TOX3: variants seen among roughly 807,000 people sequenced by gnomAD.
TOX3 encodes the protein CAG trinucleotide repeat-containing gene F9 protein.
In TOX3, 22 loss-of-function variants were observed where a neutral mutation model predicts 64.3. The observed-to-expected ratio is 0.34, with a 90% CI of 0.24 to 0.49. The LOEUF (loss-of-function observed/expected upper bound fraction) is 0.49. Ranked by LOEUF, TOX3 falls within the 20% of genes least tolerant of loss-of-function variation. The probability of loss-of-function intolerance (pLI) is 0.99; values close to 1 mark genes in which losing one functional copy is unlikely to be tolerated. For synonymous variants in TOX3, 291 were observed against 273.6 expected, an observed-to-expected ratio of 1.06 and a Z score of -0.63; for missense variants, 661 against 714.4, an observed-to-expected ratio of 0.93 and a Z score of 0.85.
chr16:52,543,113 C>T (rs1963109871), intron 1 of TOX3, among the ~76,000 whole-genome samples: 1 of 152,110 alleles, frequency 6.6e-6, no homozygotes, highest in Admixed American at 6.5e-5. Flanking sequence ...GAGTTTAGTC[C>T]AAGTTTGTTA....
chr16:52,538,482 A>G (rs1263812782), intron 1 of TOX3, among the ~76,000 whole-genome samples: 2 of 152,216 alleles, frequency 1.3e-5, no homozygotes, highest in Non-Finnish European at 2.9e-5. Flanking sequence ...TTGAATTTTA[A>G]AACTCACTCT....
At chr16:52,473,144 T>G (rs1961098269) in intron 1 of TOX3, among the ~76,000 whole-genome samples, 1 of 152,180 alleles carries the variant, frequency 6.6e-6, no homozygotes, top group African/African-American at 2.4e-5. Context: ...ATGTGGATTG[T>G]TAAGTCTAGC....
rs1961140388 is a variant in TOX3 at position 52,474,287 on chromosome 16, G to A, written c.88-5713C>T. On this transcript the variant is annotated intron_variant, in intron 1 of 6. Transcript: ENST00000219746. ...TGGACCATGTGTGCCTGCCTTTTGG[G>A]ATCCACCCAGGCCGAAGCCATCCAT... Among the ~76,000 whole-genome samples the A allele has an allele frequency of 2.6e-5, 4 of 152,014 alleles. No individual in the cohort carries two copies. In the South Asian group the frequency reaches 8.3e-4, roughly 32 times the overall value.
Position 52,546,726 on chromosome 16 carries a change from C to A in TOX3, c.-3G>T. Reference sequence around the variant, plus strand: ...GCGGGGTAGAACCTCACATCCATGCCGAAGCTGGGCCCGGGGCCGGGGGCC... The same window carrying A: ...GCGGGGTAGAACCTCACATCCATGCAGAAGCTGGGCCCGGGGCCGGGGGCC... On this transcript the variant is annotated 5_prime_UTR_variant, in exon 1 of 7. Coordinates refer to ENST00000219746, the MANE Select transcript of TOX3 (RefSeq NM_001080430.4). 1 of 1,512,994 alleles carries A rather than the reference C, an allele frequency of 6.6e-7. No individual in the cohort carries two copies. Among genetic ancestry groups the A allele is most frequent in the South Asian group, 1.2e-5 (1 of 81,316 alleles). 93.7% of individuals were successfully genotyped at this position (1,512,994 alleles called of 1,614,324 possible). A position where few individuals can be genotyped will look rare whatever the true frequency, so the allele number is the denominator to read the frequency against.
intron 1 of TOX3, among the ~76,000 whole-genome samples, chr16:52,532,591 A>C (rs925410243): frequency 6.6e-6 from 1 of 152,238 alleles, no homozygotes; most frequent in Non-Finnish European, 1.5e-5. Flanking sequence ...TGACATGCAG[A>C]ATCAGAAACA....
chr16:52,509,178 T>C (rs1224731748), intron 1 of TOX3, among the ~76,000 whole-genome samples: 2 of 152,206 alleles, frequency 1.3e-5, no homozygotes, highest in Non-Finnish European at 2.9e-5. Context: ...AGCTTCATCA[T>C]TGTTTGAATG....
intron 1 of TOX3, among the ~76,000 whole-genome samples, chr16:52,545,999 A>G (rs1032950174): frequency 6.6e-6 from 1 of 152,142 alleles, no homozygotes; most frequent in African/African-American, 2.4e-5. Context: ...CCCCCCAAAA[A>G]AATGAGAGGA....
At chr16:52,468,282 A>C (rs1960926826) in intron 2 of TOX3, among the ~76,000 whole-genome samples, 1 of 152,192 alleles carries the variant, frequency 6.6e-6, no homozygotes, top group Non-Finnish European at 1.5e-5. Flanking sequence ...TTTTTTAATC[A>C]AAAGATTCGT....
rs1241281198 is a variant in TOX3 at position 52,539,950 on chromosome 16, C to G, written c.87+6687G>C. 3.3e-5 allele frequency among the ~76,000 whole-genome samples: 5 copies of G among 152,174 alleles called. 1 individual carries two copies. The East Asian group carries it at 5.8e-4, about 18-fold the overall frequency. ...CACATCTCCTTGATTCAAATCCTTC[C>G]CATACCTTACCTCAACTGGGTGATG... On this transcript the variant is annotated intron_variant, in intron 1 of 6. Coordinates refer to ENST00000219746, the MANE Select transcript of TOX3 (RefSeq NM_001080430.4).
intron 5 of TOX3, chr16:52,445,369 G>C (rs961374380): frequency 6.6e-6 from 1 of 152,214 alleles, no homozygotes; most frequent in African/African-American, 2.4e-5. Context: ...AGGAGTAAGG[G>C]GGGGATCGAC....
At chr16:52,498,913 AT>A (rs1961926733) in intron 1 of TOX3, among the ~76,000 whole-genome samples, 1 of 152,206 alleles carries the variant, frequency 6.6e-6, no homozygotes, top group Non-Finnish European at 1.5e-5. Context: ...AATGCTTTCC[AT>A]TTCCTTCCTC....
At chr16:52,473,340 C>A (rs1436050888) in intron 1 of TOX3, among the ~76,000 whole-genome samples, 1 of 151,458 alleles carries the variant, frequency 6.6e-6, no homozygotes, top group Admixed American at 6.6e-5. Context: ...TCTCAAACAG[C>A]TAAATGGCAC....
At chr16:52,536,215 A>T (rs1962941434) in intron 1 of TOX3, among the ~76,000 whole-genome samples, 1 of 152,198 alleles carries the variant, frequency 6.6e-6, no homozygotes, top group South Asian at 2.1e-4. Context: ...TGAATAATCA[A>T]GAAATTCAAA....
At chr16:52,452,696 A>G (rs1055341621) in intron 3 of TOX3, among the ~76,000 whole-genome samples, 1 of 152,020 alleles carries the variant, frequency 6.6e-6, no homozygotes, top group Non-Finnish European at 1.5e-5. Context: ...AAAAAAAAGA[A>G]ATGGAAAAAA....
intron 3 of TOX3, among the ~76,000 whole-genome samples, chr16:52,456,713 T>C (rs1449686027): frequency 6.6e-6 from 1 of 152,226 alleles, no homozygotes; most frequent in African/African-American, 2.4e-5. Flanking sequence ...GTTATATTAA[T>C]AAGGAAACTT....
Position 52,547,095 on chromosome 16 carries a change from GCTCCTC to G in TOX3, c.-378_-373del. On this transcript the variant is annotated 5_prime_UTR_variant, in exon 1 of 7. Transcript: ENST00000219746. ...GGCGGCGGCGGCGGCGGCTGGCCCC[GCTCCTC>G]CTCCTCCTCCCCGGGCGGACTGAGG... The G allele has an allele frequency of 3.3e-6, 1 of 304,688 alleles. No homozygotes were observed. Among genetic ancestry groups the G allele is most frequent in the Non-Finnish European group, 4.8e-6 (1 of 210,266 alleles). The allele number at this position is 304,688 out of a possible 1,614,324, so 18.9% of individuals were successfully genotyped here.
At chr16:52,444,136 TG>T in intron 6 of TOX3, 139 bp downstream of exon 6, 1 of 574,666 alleles carries the variant, frequency 1.7e-6, no homozygotes, top group Non-Finnish European at 3.0e-6. Context: ...TAATCTCTAA[TG>T]GAAACGCCTA....
intron 1 of TOX3, among the ~76,000 whole-genome samples, chr16:52,485,489 C>G (rs1259717307): frequency 6.6e-6 from 1 of 151,670 alleles, no homozygotes; most frequent in African/African-American, 2.4e-5. Context: ...TCCAAAAGGA[C>G]GTTGGGGGGT....
intron 1 of TOX3, among the ~76,000 whole-genome samples, chr16:52,498,597 G>C (rs1042212611): frequency 6.6e-6 from 1 of 152,102 alleles, no homozygotes; most frequent in Admixed American, 6.5e-5. Context: ...TTGGGGGGGG[G>C]AGGCTGTATT....
Sources: gnomAD v4.1 joint callset for allele counts (sites outside exome capture counted in the v4.1 genomes callset) on GRCh38, gnomAD v4.1.1 for gene constraint, MANE v1.5 for transcripts, NCBI Gene and HGNC (gene_info 2026-07-23, HGNC 2026-07-21) for gene names.